The following DDX60L variants were observed in gnomAD, a reference collection of about 807,000 sequenced individuals.
The protein encoded by DDX60L is probable ATP-dependent RNA helicase DDX60-like.
A neutral mutation model predicts 211.6 loss-of-function variants in DDX60L; 191 were observed. That is an observed-to-expected ratio of 0.90 (90% CI 0.80 to 1.02). The LOEUF (loss-of-function observed/expected upper bound fraction) is 1.02, where lower values mean the gene tolerates loss of function less well. DDX60L is among the 50% of genes least tolerant of loss of function. The pLI, the probability that DDX60L is intolerant of heterozygous loss-of-function variation, is 0.00. For synonymous variants in DDX60L, 706 were observed against 694.1 expected (o/e 1.02, Z -0.27); for missense variants, 2,007 against 1,984.1 (o/e 1.01, Z -0.22).
Position 168,378,356 on chromosome 4 carries a change from T to A in DDX60L, c.4483A>T (p.Lys1495Ter). 7.1e-7 allele frequency: 1 copy of A among 1,402,966 alleles called. No homozygotes were observed. The highest frequency in any genetic ancestry group is 9.9e-7 in the Non-Finnish European group (1 of 1,015,056). The allele number at this position is 1,402,966 out of a possible 1,614,324, so 86.9% of individuals were successfully genotyped here. A position where few individuals can be genotyped will look rare whatever the true frequency, so the allele number is the denominator to read the frequency against. The change falls in exon 33 of 38, where the codon AAG becomes TAG. Residue 1495 changes from lysine (K) to a stop codon, truncating the protein, a stop_gained and splice_region_variant. Coordinates refer to ENST00000682922, the MANE Select transcript of DDX60L (RefSeq NM_001012967.3). LOFTEE classifies it high-confidence loss of function. ...QNANLSFSQSKVILAELPEDF... is the reference protein window; with the variant it reads ...QNANLSFSQS ...ATTGTAAGTATAACAAACTTTACCT[T>A]TGACTGAGAAAAACTTAAATTAGCA...
chr4:168,389,840 G>A (rs1744487245), intron 29 of DDX60L, among the ~76,000 whole-genome samples: 2 of 152,264 alleles, frequency 1.3e-5, no homozygotes, highest in South Asian at 4.1e-4. Context: ...ACAAAACTGA[G>A]ATGCATGAAA....
At chr4:168,439,917 G>A (rs1386340574) in intron 10 of DDX60L, among the ~76,000 whole-genome samples, 3 of 152,098 alleles carry the variant, frequency 2.0e-5, no homozygotes, top group African/African-American at 7.2e-5. Flanking sequence ...AAATACTTAC[G>A]ACCTATACTT....
intron 7 of DDX60L, among the ~76,000 whole-genome samples, chr4:168,454,594 C>G (rs1012380669): frequency 3.9e-5 from 6 of 151,994 alleles, no homozygotes; most frequent in Non-Finnish European, 8.8e-5. Flanking sequence ...ATTAGACAAT[C>G]AATATCCTTA....
chr4:168,471,685 G>T, intron 4 of DDX60L, 62 bp downstream of exon 4: 3 of 1,351,844 alleles, frequency 2.2e-6, no homozygotes, highest in South Asian at 1.5e-5. Context: ...AGGCTCTTTA[G>T]GTTAAGACAT....
rs1742981811 is a variant in DDX60L at position 168,381,619 on chromosome 4, A to G, written c.4117-1789T>C. On this transcript the variant is annotated intron_variant, in intron 30 of 37. Transcript: ENST00000682922. ...AAAACTATAACTAGAAACTTCTCCTAAAAAAGTAACATATAAGAATAAAGA... is the reference window on the plus strand; with the variant it reads ...AAAACTATAACTAGAAACTTCTCCTGAAAAAGTAACATATAAGAATAAAGA... Among the ~76,000 whole-genome samples, 5 of 152,140 alleles carry G rather than the reference A, an allele frequency of 3.3e-5. No homozygotes were observed. The South Asian group carries it at 1.0e-3, about 32-fold the overall frequency.
chr4:168,459,451 T>C (rs186545938), intron 5 of DDX60L, among the ~76,000 whole-genome samples: 15 of 151,926 alleles, frequency 9.9e-5, no homozygotes, highest in Non-Finnish European at 1.3e-4. Context: ...CTCTTCTCAA[T>C]ATGAAAATAA....
chr4:168,442,896 C>A (rs1754161297), intron 9 of DDX60L, among the ~76,000 whole-genome samples: 1 of 151,476 alleles, frequency 6.6e-6, no homozygotes, highest in South Asian at 2.1e-4. Context: ...TCATCAAAGA[C>A]CAAAAGTAGA....
rs201300695 is a variant in DDX60L at position 168,457,215 on chromosome 4, G to GA, written c.723+676dup. On this transcript the variant is annotated intron_variant, in intron 6 of 37. Transcript: ENST00000682922. ...TGGGCAACAGAGTGAGGCCTTGTCT[G>GA]AAAAAAAAACAAAACAAAACACCAA... Among the ~76,000 whole-genome samples, 315 of 140,974 alleles carry GA rather than the reference G, an allele frequency of 2.2e-3. 2 individuals are homozygous for GA. The highest frequency in any genetic ancestry group is 7.3e-3 in the African/African-American group (279 of 38,006). 92.5% of individuals were successfully genotyped at this position (140,974 alleles called of 152,430 possible).
chr4:168,375,449 C>T lies in DDX60L; in HGVS notation c.4561G>A (p.Ala1521Thr). ...EYNLAVMKDF[A>T]SFLLIASKSV... ...TTGGAAGCAATCAGCAGGAAGGAGG[C>T]AAAATCCTTCATTACTGCCAGGTTA... The change falls in exon 34 of 38, where the codon GCC (alanine) becomes ACC (threonine). Residue 1521 changes from alanine to threonine, a missense_variant. Transcript: ENST00000682922. 1.2e-6 allele frequency: 2 copies of T among 1,612,646 alleles called. No individual in the cohort carries two copies. The highest frequency in any genetic ancestry group is 8.5e-7 in the Non-Finnish European group (1 of 1,179,240).
chr4:168,466,761 G>C (rs1020727049), intron 4 of DDX60L, among the ~76,000 whole-genome samples: 1 of 152,174 alleles, frequency 6.6e-6, no homozygotes, highest in African/African-American at 2.4e-5. Flanking sequence ...AACTGGTTTA[G>C]AGTATCCAGG....
At chr4:168,380,474 C>T (rs4292292) in intron 30 of DDX60L, 140,235 of 152,460 alleles carry the variant, frequency 0.92, 65,627 homozygotes, top group East Asian at 1. Context: ...ATGTAACACA[C>T]GGCCTACTTC....
chr4:168,475,328 A>G (rs549259026), intron 1 of DDX60L, among the ~76,000 whole-genome samples: 33 of 152,336 alleles, frequency 2.2e-4, no homozygotes, highest in South Asian at 6.2e-4. Context: ...ATGCTCTGAC[A>G]TATGACCAAT....
At chr4:168,400,030 G>A (rs1018089514) in intron 26 of DDX60L, among the ~76,000 whole-genome samples, 2 of 151,784 alleles carry the variant, frequency 1.3e-5, no homozygotes, top group African/African-American at 4.8e-5. Flanking sequence ...CTCCACCCTC[G>A]GATAGGCCCC....
At chr4:168,472,627 A>G in intron 2 of DDX60L, 69 bp downstream of exon 2, 2 of 1,595,524 alleles carry the variant, frequency 1.3e-6, no homozygotes, top group Non-Finnish European at 8.6e-7. Flanking sequence ...ACTTTGTAAC[A>G]TTATTGAATC....
intron 36 of DDX60L, among the ~76,000 whole-genome samples, chr4:168,362,280 T>G (rs1188352982): frequency 6.6e-6 from 1 of 151,992 alleles, no homozygotes; most frequent in Non-Finnish European, 1.5e-5. Context: ...CAGCCAGCAG[T>G]CCCACTACAC....
At chr4:168,428,730 T>G (rs1377644399) in intron 13 of DDX60L, among the ~76,000 whole-genome samples, 2 of 152,224 alleles carry the variant, frequency 1.3e-5, no homozygotes, top group Non-Finnish European at 2.9e-5. Flanking sequence ...TGAAGCCTAA[T>G]GAAATCCCCT....
At position 168,375,455 on chromosome 4, in the gene DDX60L, C is replaced by A. The variant is rs373219774; in HGVS notation, c.4555G>T (p.Asp1519Tyr). 41 of 1,612,752 alleles carry A rather than the reference C, an allele frequency of 2.5e-5. No homozygotes were observed. Among genetic ancestry groups the A allele is most frequent in the Non-Finnish European group, 3.3e-5 (39 of 1,179,394 alleles). ...GCAATCAGCAGGAAGGAGGCAAAAT[C>A]CTTCATTACTGCCAGGTTATACTCA... Reference protein sequence around the residue: ...LYEYNLAVMKDFASFLLIASK... With the variant: ...LYEYNLAVMKYFASFLLIASK... Residue 1519 changes from aspartate (D) to tyrosine (Y), a missense_variant, in exon 34 of 38, where the codon GAT becomes TAT. By Grantham distance (160) the Asp-to-Tyr change is radical (BLOSUM62 -3). Coordinates refer to ENST00000682922, the MANE Select transcript of DDX60L (RefSeq NM_001012967.3).
intron 6 of DDX60L, among the ~76,000 whole-genome samples, chr4:168,456,558 A>G (rs553761555): frequency 6.6e-6 from 1 of 152,302 alleles, no homozygotes; most frequent in Admixed American, 6.5e-5. Context: ...ATATCACACA[A>G]CATTGAAAAT....
chr4:168,373,531 T>G, intron 35 of DDX60L, 135 bp downstream of exon 35: 1 of 880,512 alleles, frequency 1.1e-6, no homozygotes, highest in East Asian at 2.5e-5. Context: ...AGGGCTTCAT[T>G]CTCTTAGACA....
Sources: allele counts gnomAD v4.1 joint callset (sites outside exome capture counted in the v4.1 genomes callset), GRCh38; gene constraint gnomAD v4.1.1; transcripts MANE v1.5; gene names NCBI Gene and HGNC (gene_info 2026-07-23, HGNC 2026-07-21).